Variants in PRR16 observed in about 807,000 individuals in gnomAD.
PRR16 encodes proline rich 16, also known as protein Largen.
Under a neutral mutation model 18.2 loss-of-function variants are expected in PRR16, and 6 were observed. That is an observed-to-expected ratio of 0.33 (90% CI 0.18 to 0.65). The LOEUF is 0.65. Among genes scored for constraint, PRR16 ranks in the 30% least tolerant of loss-of-function variants. PRR16 has a pLI of 0.74. For synonymous variants in PRR16, 151 were observed against 147.8 expected, an observed-to-expected ratio of 1.02 and a Z score of -0.16; for missense variants, 412 against 376.6, an observed-to-expected ratio of 1.09 and a Z score of -0.78.
At chr5:120,744,321 G>A in the PRR16 span, among the ~76,000 whole-genome samples, 1 of 152,156 alleles carries the variant, frequency 6.6e-6, no homozygotes, top group Admixed American at 6.6e-5. Context: ...TCCTAGAAAA[G>A]GGACCCTTTA....
At chr5:120,531,917 G>C (rs972211981) in intron 1 of PRR16, among the ~76,000 whole-genome samples, 12 of 152,226 alleles carry the variant, frequency 7.9e-5, no homozygotes, top group African/African-American at 2.9e-4. Flanking sequence ...TTGTTAATTA[G>C]CATGTAATGC....
intron 1 of PRR16, among the ~76,000 whole-genome samples, chr5:120,603,232 A>G (rs548592541): frequency 1.5e-4 from 23 of 152,120 alleles, no homozygotes; most frequent in African/African-American, 5.5e-4. Context: ...TACACATGCA[A>G]TTTGGAACTC....
chr5:120,722,555 A>G, the PRR16 span, among the ~76,000 whole-genome samples: 1 of 151,984 alleles, frequency 6.6e-6, no homozygotes, highest in Non-Finnish European at 1.5e-5. Context: ...GTATTTTTCT[A>G]TCTCAAGCCA....
At chr5:120,570,788 C>T (rs1752880980) in intron 1 of PRR16, among the ~76,000 whole-genome samples, 1 of 151,596 alleles carries the variant, frequency 6.6e-6, no homozygotes, top group African/African-American at 2.4e-5. Flanking sequence ...AAAATGGATT[C>T]CCAAAGATTA....
At chr5:120,576,861 T>C (rs1381226423) in intron 1 of PRR16, among the ~76,000 whole-genome samples, 1 of 152,056 alleles carries the variant, frequency 6.6e-6, no homozygotes, top group Non-Finnish European at 1.5e-5. Flanking sequence ...TCTTGAGAGT[T>C]TTCTGCCTCT....
the PRR16 span, among the ~76,000 whole-genome samples, chr5:120,755,770 C>G: frequency 6.6e-6 from 1 of 151,984 alleles, no homozygotes; most frequent in African/African-American, 2.4e-5. Flanking sequence ...CTGGTGGTGA[C>G]TCTTGACTAT....
At chr5:120,646,048 TTATA>T (rs10606917) in intron 1 of PRR16, among the ~76,000 whole-genome samples, 2,486 of 104,960 alleles carry the variant, frequency 0.024, 102 homozygotes, top group African/African-American at 0.065. Flanking sequence ...AATACATATT[TTATA>T]TATATATATA....
intron 1 of PRR16, among the ~76,000 whole-genome samples, chr5:120,623,754 T>G (rs1754764323): frequency 6.6e-6 from 1 of 152,126 alleles, no homozygotes; most frequent in African/African-American, 2.4e-5. Flanking sequence ...TTTTCCAATG[T>G]AGGTAAATGG....
chr5:120,507,443 A>G (rs955991594), intron 1 of PRR16, among the ~76,000 whole-genome samples: 1 of 152,106 alleles, frequency 6.6e-6, no homozygotes, highest in Admixed American at 6.6e-5. Flanking sequence ...TACAGTTAGC[A>G]AAAGTGGCAA....
chr5:120,704,993 ATTAGT>A, the PRR16 span, among the ~76,000 whole-genome samples: 1 of 152,088 alleles, frequency 6.6e-6, no homozygotes, highest in Non-Finnish European at 1.5e-5. Flanking sequence ...TCCATTTAAG[ATTAGT>A]TTAGAGTGGG....
the PRR16 span, among the ~76,000 whole-genome samples, chr5:120,723,848 C>T: frequency 4.6e-5 from 7 of 151,724 alleles, no homozygotes; most frequent in South Asian, 1.5e-3. Flanking sequence ...ACTTTATCTT[C>T]CAAAGTGGAA....
the PRR16 span, among the ~76,000 whole-genome samples, chr5:120,769,196 TTTG>T: frequency 6.6e-6 from 1 of 151,766 alleles, no homozygotes; most frequent in Non-Finnish European, 1.5e-5. Context: ...TTTTAATAGT[TTTG>T]TTAAGGTATT....
At chr5:120,477,320 C>A (rs1749474599) in intron 1 of PRR16, among the ~76,000 whole-genome samples, 1 of 149,874 alleles carries the variant, frequency 6.7e-6, no homozygotes, top group South Asian at 2.1e-4. Context: ...CCCGGATCTC[C>A]CCCCTCCCAC....
At chr5:120,778,416 A>C in the PRR16 span, among the ~76,000 whole-genome samples, 2 of 152,162 alleles carry the variant, frequency 1.3e-5, no homozygotes, top group African/African-American at 4.8e-5. Context: ...TGTTTGCCTA[A>C]AGAGAAAAAC....
the PRR16 span, among the ~76,000 whole-genome samples, chr5:120,786,848 C>G: frequency 0.017 from 2,601 of 152,136 alleles, 88 homozygotes; most frequent in African/African-American, 0.06. Context: ...TTTAATGCTT[C>G]AAGACTAAAA....
chr5:120,569,528 G>T (rs1465219348), intron 1 of PRR16, among the ~76,000 whole-genome samples: 2 of 152,140 alleles, frequency 1.3e-5, no homozygotes, highest in Non-Finnish European at 2.9e-5. Flanking sequence ...AAGAGATAAT[G>T]AAATAAAACT....
chr5:120,469,919 A>C (rs1234302874), intron 1 of PRR16, among the ~76,000 whole-genome samples: 1 of 152,200 alleles, frequency 6.6e-6, no homozygotes, highest in African/African-American at 2.4e-5. Context: ...TAAGAAATTC[A>C]AGCAGCCTTA....
intron 1 of PRR16, among the ~76,000 whole-genome samples, chr5:120,557,922 T>A (rs1408856053): frequency 6.6e-6 from 1 of 151,718 alleles, no homozygotes; most frequent in African/African-American, 2.4e-5. Flanking sequence ...GGACGTAAGG[T>A]GTTGGGTTAA....
the PRR16 span, among the ~76,000 whole-genome samples, chr5:120,702,550 T>TG: frequency 1.3e-5 from 2 of 152,100 alleles, no homozygotes; most frequent in South Asian, 4.1e-4. Context: ...CAGGCGTCCC[T>TG]GCGTGGTCTG....
Sources: gnomAD v4.1 joint callset for allele counts (sites outside exome capture counted in the v4.1 genomes callset) on GRCh38, gnomAD v4.1.1 for gene constraint, MANE v1.5 for transcripts, NCBI Gene and HGNC (gene_info 2026-07-23, HGNC 2026-07-21) for gene names.